Variants in MYO6 observed in about 807,000 individuals in gnomAD.
MYO6 encodes the protein myosin VI.
A neutral mutation model predicts 178.7 loss-of-function variants in MYO6; 74 were observed. That is an observed-to-expected ratio of 0.41 (90% CI 0.34 to 0.50). MYO6 has a LOEUF of 0.50. Ranked by LOEUF, MYO6 falls within the 20% of genes least tolerant of loss-of-function variation. The pLI, the probability that MYO6 is intolerant of heterozygous loss-of-function variation, is 0.09. For missense variants in MYO6, 1,330 were observed against 1,547.4 expected (o/e 0.86, Z 2.36); for synonymous variants, 477 against 504.6 (o/e 0.95, Z 0.73).
intron 14 of MYO6, among the ~76,000 whole-genome samples, chr6:75,859,336 G>A (rs1775994129): frequency 6.7e-6 from 1 of 150,360 alleles, no homozygotes; most frequent in Admixed American, 6.6e-5. Flanking sequence ...GTCTCATTCT[G>A]TTGCTCAGGC....
intron 1 of MYO6, among the ~76,000 whole-genome samples, chr6:75,787,676 TTCTCTCTCTCTCTCTCTCTCTCTCTC>T (rs765565236): frequency 9.6e-4 from 24 of 25,002 alleles, no homozygotes; most frequent in South Asian, 3.7e-3. Flanking sequence ...AATGGAACTA[TTCTCTCTCTCTCTCTCTCTCTCTCTC>T]TCTCTCTCTC....
At chr6:75,796,406 C>T (rs1768821147) in intron 1 of MYO6, among the ~76,000 whole-genome samples, 1 of 152,142 alleles carries the variant, frequency 6.6e-6, no homozygotes, top group Non-Finnish European at 1.5e-5. Flanking sequence ...TTTAATTTCA[C>T]ATCTTTGAGT....
intron 1 of MYO6, among the ~76,000 whole-genome samples, chr6:75,811,104 G>A (rs1332726218): frequency 2.0e-5 from 3 of 151,694 alleles, no homozygotes; most frequent in African/African-American, 7.3e-5. Context: ...ACTTCTCTTG[G>A]TGGGGGTGGT....
chr6:75,817,805 T>G (rs1240233361), intron 2 of MYO6, 141 bp downstream of exon 2: 2 of 781,742 alleles, frequency 2.6e-6, no homozygotes, highest in African/African-American at 3.4e-5. Flanking sequence ...TTCTCCTGAC[T>G]TCTTTGATTA....
intron 31 of MYO6, 47 bp downstream of exon 31, chr6:75,907,755 G>A (rs2149415505): frequency 1.4e-6 from 2 of 1,430,600 alleles, no homozygotes; most frequent in East Asian, 2.3e-5. Flanking sequence ...CATAGTGATA[G>A]GTGATAAATA....
At chr6:75,898,432 G>A (rs1444614287) in intron 30 of MYO6, 21 bp downstream of exon 30, 1 of 1,593,424 alleles carries the variant, frequency 6.3e-7, no homozygotes, top group South Asian at 1.1e-5. Context: ...TGTAATTGGG[G>A]GAAATAAGTG....
Position 75,917,325 on chromosome 6 carries a change from C to T in MYO6, c.*2313C>T, listed in dbSNP as rs908348473. The T allele has an allele frequency of 4.6e-5, 7 of 152,668 alleles. No individual in the cohort carries two copies. Among genetic ancestry groups the T allele is most frequent in the African/African-American group, 1.7e-4 (7 of 41,466 alleles). 9.5% of individuals were successfully genotyped at this position (152,668 alleles called of 1,614,324 possible). On this transcript the variant is annotated 3_prime_UTR_variant, in exon 35 of 35. Transcript: ENST00000369977. ...AATCTTTTCTTAATACCAGTTCTTT[C>T]CATAGCATATGCTTTGCAAAGGCAG... is the stretch of plus-strand genomic sequence containing the variant.
chr6:75,889,797 CAT>C (rs1562290330), intron 25 of MYO6, among the ~76,000 whole-genome samples: 1 of 152,138 alleles, frequency 6.6e-6, no homozygotes, highest in Non-Finnish European at 1.5e-5. Context: ...GCAGAGATAA[CAT>C]AAAACATTTT....
At position 75,857,420 on chromosome 6, in the gene MYO6, TTAAAG is replaced by T. The variant is rs560466966; in HGVS notation, c.1381+167_1381+171del. ...ATGACCTAGATAGGGAGCTGATACTTTAAAGAGAAGAGGAAAGACTCGTGGGGATT... is the reference window on the plus strand; with the variant it reads ...ATGACCTAGATAGGGAGCTGATACTTAGAAGAGGAAAGACTCGTGGGGATT... On this transcript the variant is annotated intron_variant, in intron 13 of 34. Coordinates refer to ENST00000369977, the MANE Select transcript of MYO6 (RefSeq NM_004999.4). Among the ~76,000 whole-genome samples, 720 of 152,306 alleles carry T rather than the reference TTAAAG, an allele frequency of 4.7e-3. 5 individuals are homozygous for T. The highest frequency in any genetic ancestry group is 7.5e-3 in the Non-Finnish European group (510 of 68,008).
At chr6:75,819,143 A>G (rs1279117668) in intron 2 of MYO6, among the ~76,000 whole-genome samples, 3 of 152,368 alleles carry the variant, frequency 2.0e-5, no homozygotes, top group East Asian at 3.9e-4. Context: ...TGTAGAACCA[A>G]TAAAAACTGT....
Position 75,858,882 on chromosome 6 carries a change from T to C in MYO6, c.1382-20T>C. The C allele has an allele frequency of 6.9e-7, 1 of 1,458,980 alleles. No individual in the cohort carries two copies. Among genetic ancestry groups the C allele is most frequent in the Non-Finnish European group, 9.6e-7 (1 of 1,042,764 alleles). The allele number at this position is 1,458,980 out of a possible 1,614,324, so 90.4% of individuals were successfully genotyped here. On this transcript the variant is annotated intron_variant, in intron 13 of 34. Coordinates refer to ENST00000369977, the MANE Select transcript of MYO6 (RefSeq NM_004999.4). ...AAGTTGATCTCATAATGACTCTTGGTTCTGGTTTTATATTTTCAGAGTACT... is the reference window on the plus strand; with the variant it reads ...AAGTTGATCTCATAATGACTCTTGGCTCTGGTTTTATATTTTCAGAGTACT...
In MYO6 at chr6:75,917,610, CCACA is replaced by C. The variant is rs952787671; in HGVS notation, c.*2601_*2604del. 11 of 152,308 alleles carry C rather than the reference CCACA, an allele frequency of 7.2e-5. No individual in the cohort carries two copies. The highest frequency in any genetic ancestry group is 2.6e-4 in the African/African-American group (11 of 41,558). The allele number at this position is 152,308 out of a possible 1,614,324, so 9.4% of individuals were successfully genotyped here. A position where few individuals can be genotyped will look rare whatever the true frequency, so the allele number is the denominator to read the frequency against. On this transcript the variant is annotated 3_prime_UTR_variant, in exon 35 of 35. Transcript: ENST00000369977. ...AAACAGTGCATGTAGGAGCACAGGG[CCACA>C]CAAAGGCATTCTATTGTTATGCTCA...
At chr6:75,816,394 C>T (rs1160322317) in intron 1 of MYO6, among the ~76,000 whole-genome samples, 1 of 152,220 alleles carries the variant, frequency 6.6e-6, no homozygotes, top group Non-Finnish European at 1.5e-5. Flanking sequence ...CTTGTTCTGT[C>T]ACCCAGAATG....
Position 75,890,079 on chromosome 6 carries a change from A to G in MYO6, c.2681A>G (p.Gln894Arg). ...KIKSTMMTQE[Q>R]IQKEYDALVK... The stretch of plus-strand genomic sequence containing the variant: ...AAGTCCACTATGATGACGCAGGAAC[A>G]AATCCAGAAAGAATATGATGCACTG... Residue 894 changes from glutamine (Q) to arginine (R), a missense_variant, in exon 26 of 35, where the codon CAA (glutamine) becomes CGA (arginine). Around this residue, in one of 3 missense-constraint regions of MYO6, gnomAD observed 601 missense variants for 626.1 expected, o/e 0.96. Transcript: ENST00000369977. The G allele has an allele frequency of 6.2e-7, 1 of 1,613,844 alleles. No homozygotes were observed. The highest frequency in any genetic ancestry group is 8.5e-7 in the Non-Finnish European group (1 of 1,179,868).
intron 2 of MYO6, among the ~76,000 whole-genome samples, chr6:75,817,896 G>GT (rs904128965): frequency 3.9e-5 from 6 of 151,960 alleles, no homozygotes; most frequent in East Asian, 1.9e-4. Flanking sequence ...TTCATTCTTT[G>GT]TTTTTTTCAC....
chr6:75,888,163 G>A (rs906028320), intron 25 of MYO6, among the ~76,000 whole-genome samples: 1 of 151,626 alleles, frequency 6.6e-6, no homozygotes. Flanking sequence ...GATCGCACGC[G>A]CCTGTAGTTC....
chr6:75,880,083 A>C lies in MYO6; in HGVS notation c.2249A>C (p.Lys750Thr). The C allele has an allele frequency of 1.2e-6, 2 of 1,611,936 alleles. No individual in the cohort carries two copies. Among genetic ancestry groups the C allele is most frequent in the African/African-American group, 1.3e-5 (1 of 74,988 alleles). The change falls in exon 22 of 35, where the codon AAG becomes ACG. Residue 750 changes from lysine (K) to threonine (T), a missense_variant. Around this residue, in one of 3 missense-constraint regions of MYO6, gnomAD observed 613 missense variants for 816.8 expected, o/e 0.75. Transcript: ENST00000369977. ...KALGLNENDYKFGLTKVFFRP... is the reference protein window; with the variant it reads ...KALGLNENDYTFGLTKVFFRP... ...TTGGGCTTAAATGAAAATGACTACA[A>C]GTTTGGGTTAACCAAAGTATTTTTT...
chr6:75,905,266 G>A (rs976319398), intron 30 of MYO6, among the ~76,000 whole-genome samples: 4 of 152,284 alleles, frequency 2.6e-5, no homozygotes, highest in South Asian at 2.1e-4. Flanking sequence ...GGAGCTTCCC[G>A]GCTGCTTTGT....
chr6:75,867,321 G>A (rs1776781257), intron 18 of MYO6: 1 of 453,762 alleles, frequency 2.2e-6, no homozygotes, highest in Non-Finnish European at 3.9e-6. Context: ...TTCATTCTTG[G>A]TTCTTAACAT....
Sources: allele counts gnomAD v4.1 joint callset (sites outside exome capture counted in the v4.1 genomes callset), GRCh38; gene constraint gnomAD v4.1.1; regional missense constraint gnomAD v4.1.1; transcripts MANE v1.5; gene names NCBI Gene and HGNC (gene_info 2026-07-23, HGNC 2026-07-21).